TERB2: variants seen among roughly 807,000 people sequenced by gnomAD.
The protein encoded by TERB2 is telomere repeats-binding bouquet formation protein 2.
A neutral mutation model predicts 29.8 loss-of-function variants in TERB2; 26 were observed. The ratio of observed to expected loss-of-function variants is 0.87; its 90% CI spans 0.64 to 1.21. TERB2 has a LOEUF of 1.21. TERB2 is among the 50% of genes most tolerant of loss of function. TERB2 has a pLI of 0.00. For synonymous variants in TERB2, 80 were observed against 90.8 expected, an observed-to-expected ratio of 0.88 and a Z score of 0.68; for missense variants, 240 against 268.6, an observed-to-expected ratio of 0.89 and a Z score of 0.74.
intron 3 of TERB2, among the ~76,000 whole-genome samples, chr15:44,960,254 AC>A (rs1286904883): frequency 6.6e-6 from 1 of 152,242 alleles, no homozygotes; most frequent in East Asian, 1.9e-4. Flanking sequence ...TTAAAAGTAT[AC>A]CTTTTTAATC....
At chr15:44,966,967 G>T (rs1157477275) in intron 5 of TERB2, among the ~76,000 whole-genome samples, 3 of 152,164 alleles carry the variant, frequency 2.0e-5, no homozygotes, top group African/African-American at 7.2e-5. Context: ...GGGCATAGTG[G>T]CACATACCTA....
At chr15:44,966,338 A>T in intron 5 of TERB2, 95 bp downstream of exon 5, 1 of 614,482 alleles carries the variant, frequency 1.6e-6, no homozygotes, top group South Asian at 5.4e-5. Flanking sequence ...CAGTTTTCCT[A>T]TGAGATAGAT....
chr15:44,958,795 T>C (rs1344925549), intron 3 of TERB2, among the ~76,000 whole-genome samples: 1 of 152,202 alleles, frequency 6.6e-6, no homozygotes, highest in Non-Finnish European at 1.5e-5. Context: ...AATAAAACAG[T>C]GCAGATCTTG....
chr15:44,960,295 C>A (rs1415800880), intron 3 of TERB2, among the ~76,000 whole-genome samples: 1 of 152,112 alleles, frequency 6.6e-6, no homozygotes, highest in Non-Finnish European at 1.5e-5. Flanking sequence ...GTGTGAGGTG[C>A]AAATGTGAGC....
intron 5 of TERB2, among the ~76,000 whole-genome samples, chr15:44,972,844 AC>A (rs200772386): frequency 6.9e-6 from 1 of 145,628 alleles, no homozygotes; most frequent in Admixed American, 6.9e-5. Flanking sequence ...ATAAGAATAT[AC>A]ATTTTTTTAG....
At position 44,966,154 on chromosome 15, in the gene TERB2, A is replaced by G. The variant is rs779015160; in HGVS notation, c.349-4A>G. ...TAAAATGTGATTTACTTTTCTATCC[A>G]CAGCATGATGAAGTAACACCAAATG... On this transcript the variant is annotated splice_region_variant and splice_polypyrimidine_tract_variant and intron_variant, in intron 4 of 6. Transcript: ENST00000340827. 1.3e-6 allele frequency: 2 copies of G among 1,509,282 alleles called. No individual in the cohort carries two copies. Among genetic ancestry groups the G allele is most frequent in the Admixed American group, 4.6e-5 (2 of 43,252 alleles). 93.5% of individuals were successfully genotyped at this position (1,509,282 alleles called of 1,614,324 possible). A position where few individuals can be genotyped will look rare whatever the true frequency, so the allele number is the denominator to read the frequency against.
At chr15:44,958,812 C>T (rs1243662662) in intron 3 of TERB2, among the ~76,000 whole-genome samples, 1 of 152,222 alleles carries the variant, frequency 6.6e-6, no homozygotes, top group African/African-American at 2.4e-5. Context: ...CTTGCCTTCA[C>T]AGGCTACGAT....
At chr15:44,965,514 G>GAT (rs1185029119) in intron 4 of TERB2, among the ~76,000 whole-genome samples, 5 of 137,342 alleles carry the variant, frequency 3.6e-5, no homozygotes, top group East Asian at 4.1e-4. Flanking sequence ...TATTTATATA[G>GAT]ATATATATAA....
At chr15:44,965,162 CAAAAAAAAA>C (rs66756472) in intron 4 of TERB2, among the ~76,000 whole-genome samples, 15 of 48,816 alleles carry the variant, frequency 3.1e-4, no homozygotes, top group Admixed American at 8.7e-4. Context: ...GACTCTGTCT[CAAAAAAAAA>C]AAAAAAAAAA....
intron 4 of TERB2, among the ~76,000 whole-genome samples, chr15:44,963,759 CTT>C: frequency 6.8e-6 from 1 of 146,826 alleles, no homozygotes; most frequent in East Asian, 2.0e-4. Flanking sequence ...AATGTTAACA[CTT>C]TGTGAATCTA....
chr15:44,957,094 A>C, intron 2 of TERB2, 117 bp downstream of exon 2: 1 of 1,085,890 alleles, frequency 9.2e-7, no homozygotes, highest in Non-Finnish European at 1.3e-6. Context: ...GACACCTATA[A>C]TCCCAGCTAC....
At chr15:44,965,988 A>C (rs1566945580) in intron 4 of TERB2, among the ~76,000 whole-genome samples, 170 bp from the exon 5 acceptor site, 1 of 152,056 alleles carries the variant, frequency 6.6e-6, no homozygotes, top group Non-Finnish European at 1.5e-5. Context: ...GTGTGGAAAA[A>C]ATTTTGTAAA....
At chr15:44,973,188 C>T (rs977669111) in intron 5 of TERB2, among the ~76,000 whole-genome samples, 2 of 152,120 alleles carry the variant, frequency 1.3e-5, no homozygotes, top group African/African-American at 4.8e-5. Context: ...GCCTAGACAT[C>T]AGTTTTTATT....
At chr15:44,957,921 T>C (rs1156838821) in intron 2 of TERB2, among the ~76,000 whole-genome samples, 1 of 151,682 alleles carries the variant, frequency 6.6e-6, no homozygotes, top group East Asian at 2.0e-4. Flanking sequence ...ACTGCCATTA[T>C]TGTTCATGCA....
chr15:44,958,376 A>G lies in TERB2; in HGVS notation c.150A>G (p.Ile50Met), dbSNP rs1283702001. The G allele has an allele frequency of 1.2e-5, 19 of 1,608,134 alleles. No individual in the cohort carries two copies. The highest frequency in any genetic ancestry group is 1.6e-5 in the Non-Finnish European group (19 of 1,178,482). ...CDASHPDTLR[I>M]YQSLDYIEDN... ...ATATTTCCTTTCTTTCTCCTAGAAT[A>G]TATCAGAGCCTTGATTACATAGAAG... The change falls in exon 3 of 7, where the codon ATA becomes ATG. Residue 50 changes from isoleucine to methionine, a missense_variant. Coordinates refer to ENST00000340827, the MANE Select transcript of TERB2 (RefSeq NM_152448.3).
intron 5 of TERB2, 57 bp downstream of exon 5, chr15:44,966,300 T>A: frequency 9.5e-7 from 1 of 1,052,982 alleles, no homozygotes; most frequent in Non-Finnish European, 1.3e-6. Flanking sequence ...CTGTGAGCAC[T>A]GATTGTGTGC....
chr15:44,966,088 T>C (rs1891883898), intron 4 of TERB2, 70 bp from the exon 5 acceptor site: 2 of 842,796 alleles, frequency 2.4e-6, no homozygotes, highest in Admixed American at 3.9e-5. Context: ...TTTTTCCTTT[T>C]TAAAAACATT....
intron 5 of TERB2, chr15:44,969,971 C>A (rs1241494741): frequency 1.1e-4 from 16 of 151,744 alleles, no homozygotes; most frequent in Admixed American, 9.8e-4. Flanking sequence ...TAAGTAATTT[C>A]TTGAGAGAAC....
intron 6 of TERB2, among the ~76,000 whole-genome samples, chr15:44,978,024 C>A (rs568495927): frequency 1.0e-3 from 156 of 152,224 alleles, no homozygotes; most frequent in Admixed American, 2.4e-3. Flanking sequence ...ATCGATTTTT[C>A]ATTAACTTTT....
Sources: gnomAD v4.1 joint callset for allele counts (sites outside exome capture counted in the v4.1 genomes callset) on GRCh38, gnomAD v4.1.1 for gene constraint, MANE v1.5 for transcripts, NCBI Gene and HGNC (gene_info 2026-07-23, HGNC 2026-07-21) for gene names.